Variants in HSPG2 observed in about 807,000 individuals in gnomAD.
HSPG2 encodes basement membrane-specific heparan sulfate proteoglycan core protein.
A neutral mutation model predicts 526.6 loss-of-function variants in HSPG2; 278 were observed. The ratio of observed to expected loss-of-function variants is 0.53; its 90% confidence interval spans 0.48 to 0.58. The LOEUF (loss-of-function observed/expected upper bound fraction) is 0.58, where lower values mean the gene tolerates loss of function less well. Among genes scored for constraint, HSPG2 ranks in the 20% least tolerant of loss-of-function variants. HSPG2 has a pLI of 0.00. For missense variants in HSPG2, 5,354 were observed against 6,099.5 expected, an observed-to-expected ratio of 0.88 and a Z score of 4.07; for synonymous variants, 2,465 against 2,555.4, an observed-to-expected ratio of 0.96 and a Z score of 1.07.
chr1:21,824,768 GC>G lies in HSPG2; in HGVS notation c.12600del (p.Gln4201SerfsTer96). ...TCATCGTGGAAATAGGCTCCGTACT[GC>G]CCAGGGGCATCTGTGGGAGAGAGGA... is the stretch of plus-strand genomic sequence containing the variant. ...LEGSGGNDAP[G>X]QYGAYFHDDG... is the part of the protein sequence containing the mutation. On this transcript the variant is annotated frameshift_variant, in exon 92 of 97. Transcript: ENST00000374695. LOFTEE classifies it high-confidence loss of function. This position sits in a 1 kb window ranked among gnomAD's most constrained non-coding sequence, Gnocchi z 5.9. 1 of 1,612,674 alleles carries G rather than the reference GC, an allele frequency of 6.2e-7. No homozygotes were observed. The highest frequency in any genetic ancestry group is 8.5e-7 in the Non-Finnish European group (1 of 1,179,490).
rs1368483573 is a variant in HSPG2 at position 21,874,973 on chromosome 1, A to G, written c.3332T>C (p.Val1111Ala). 2.5e-5 allele frequency: 41 copies of G among 1,608,396 alleles called. No individual in the cohort carries two copies. The highest frequency in any genetic ancestry group is 3.5e-5 in the Non-Finnish European group (41 of 1,177,618). Residue 1111 changes from valine (V) to alanine (A), a missense_variant, in exon 26 of 97, where the codon GTG becomes GCG. Val to Ala is a moderately conservative substitution (Grantham distance 64). Transcript: ENST00000374695. ...GGGGTCCTGGCCGGTTTCCTCGGGC[A>G]CAGCCACGTCCATGCTGATGCCAGA... ...RVSGISMDVA[V>A]PEETGQDPAL...
At chr1:21,886,624 G>A (rs1224368089) in intron 9 of HSPG2, among the ~76,000 whole-genome samples, 1 of 152,186 alleles carries the variant, frequency 6.6e-6, no homozygotes, top group Non-Finnish European at 1.5e-5. Context: ...TGCCCGTAAT[G>A]TCCATGACTG....
Position 21,890,301 on chromosome 1 carries a change from A to C in HSPG2, c.413+126T>G. The C allele has an allele frequency of 7.9e-7, 1 of 1,271,548 alleles. No individual in the cohort carries two copies. The highest frequency in any genetic ancestry group is 1.1e-6 in the Non-Finnish European group (1 of 875,952). The allele number at this position is 1,271,548 out of a possible 1,614,324, so 78.8% of individuals were successfully genotyped here. On this transcript the variant is annotated intron_variant, in intron 5 of 96. Transcript: ENST00000374695. The surrounding 1 kb of genome is among the most constrained non-coding windows in gnomAD (Gnocchi z 4.1). ...CAATGATCCCCCGACCAATTCCTGA[A>C]TTTCCACCCACAGCGACTCATCCCA...
At chr1:21,934,981 A>T (rs1042909957) in intron 1 of HSPG2, among the ~76,000 whole-genome samples, 1 of 151,430 alleles carries the variant, frequency 6.6e-6, no homozygotes, top group Non-Finnish European at 1.5e-5. Context: ...GTCTCAGCTC[A>T]CTGCAACCTC....
chr1:21,826,085 AT>A (rs200412292), intron 91 of HSPG2, among the ~76,000 whole-genome samples: 2,688 of 150,052 alleles, frequency 0.018, 66 homozygotes, highest in African/African-American at 0.062. Context: ...ACCCAGCCTT[AT>A]TTTTTATTTT....
In HSPG2 at chr1:21,847,668, T is replaced by A; in HGVS notation, c.8025+21A>T. ...CAGGAGACCATGGTTCCACCCCCGC[T>A]GCTGTGGCTCCACTCTGTACCTGGT... On this transcript the variant is annotated intron_variant, in intron 61 of 96. Coordinates refer to ENST00000374695, the MANE Select transcript of HSPG2 (RefSeq NM_005529.7). The surrounding 1 kb of genome is among the most constrained non-coding windows in gnomAD (Gnocchi z 4.1). 1 of 1,603,762 alleles carries A rather than the reference T, an allele frequency of 6.2e-7. No individual in the cohort carries two copies. Among genetic ancestry groups the A allele is most frequent in the South Asian group, 1.1e-5 (1 of 89,772 alleles).
intron 1 of HSPG2, among the ~76,000 whole-genome samples, chr1:21,910,467 ATCT>A (rs2152787224): frequency 6.6e-6 from 1 of 152,282 alleles, no homozygotes; most frequent in South Asian, 2.1e-4. Context: ...TCTGCCATCG[ATCT>A]TCTCTGGGTC....
chr1:21,841,624 G>A lies in HSPG2; in HGVS notation c.9243C>T (p.Thr3081=), dbSNP rs1350979773. ...PNGSIITIVG[T]RPSNHGTYRC... ...GGTAGGTACCGTGGTTGCTGGGCCG[G>A]GTGCCCACGATGGTGATGATGGAGC... Residue 3081 remains threonine (T), a synonymous_variant, in exon 70 of 97, where the codon ACC becomes ACT. Coordinates refer to ENST00000374695, the MANE Select transcript of HSPG2 (RefSeq NM_005529.7). 2 of 1,614,018 alleles carry A rather than the reference G, an allele frequency of 1.2e-6. No homozygotes were observed. The highest frequency in any genetic ancestry group is 2.7e-5 in the African/African-American group (2 of 74,914).
In HSPG2 at chr1:21,839,529, T is replaced by C. The variant is rs773547329; in HGVS notation, c.9731A>G (p.His3244Arg). 6.2e-7 allele frequency: 1 copy of C among 1,613,856 alleles called. No individual in the cohort carries two copies. The highest frequency in any genetic ancestry group is 8.5e-7 in the Non-Finnish European group (1 of 1,179,950). ...SATGSPAPTIHWSKLRSPLPW... is the reference protein window; with the variant it reads ...SATGSPAPTIRWSKLRSPLPW... ...CAGTGGGGAACGCAGCTTGGACCAG[T>C]GGATGGTGGGCGCGGGGCTGCCTGT... The change falls in exon 73 of 97, where the codon CAC becomes CGC. Residue 3244 changes from histidine to arginine, a missense_variant. His to Arg is a conservative substitution (Grantham distance 29). Coordinates refer to ENST00000374695, the MANE Select transcript of HSPG2 (RefSeq NM_005529.7). The surrounding 1 kb of genome is among the most constrained non-coding windows in gnomAD (Gnocchi z 4.5).
At chr1:21,899,165 G>A (rs547747323) in intron 1 of HSPG2, among the ~76,000 whole-genome samples, 1 of 152,276 alleles carries the variant, frequency 6.6e-6, no homozygotes, top group Admixed American at 6.5e-5. Flanking sequence ...TGAGGATCCA[G>A]GGTCAGATAA....
At chr1:21,827,548 T>C (rs2097981750) in intron 91 of HSPG2, among the ~76,000 whole-genome samples, 1 of 152,224 alleles carries the variant, frequency 6.6e-6, no homozygotes, top group Non-Finnish European at 1.5e-5. Flanking sequence ...TTCTTGGGAA[T>C]GAGGGTCTTG....
At chr1:21,908,552 A>C in intron 1 of HSPG2, 1 of 898,748 alleles carries the variant, frequency 1.1e-6, no homozygotes, top group Admixed American at 1.7e-5. Context: ...GAGCTGCTGG[A>C]ACCTATTCTC....
Position 21,859,929 on chromosome 1 carries a change from C to A in HSPG2, c.5088G>T (p.Leu1696=). 6.2e-7 allele frequency: 1 copy of A among 1,610,562 alleles called. No individual in the cohort carries two copies. The highest frequency in any genetic ancestry group is 8.5e-7 in the Non-Finnish European group (1 of 1,179,362). The change falls in exon 41 of 97, where the codon CTG becomes CTT. Residue 1696 remains leucine (L), a synonymous_variant. Coordinates refer to ENST00000374695, the MANE Select transcript of HSPG2 (RefSeq NM_005529.7). This position sits in a 1 kb window ranked among gnomAD's most constrained non-coding sequence, Gnocchi z 5.3. ...GTGGGCTCCCACTGACCTGACACCGCAGGGAGTGGGAGCCACCTTGGGGCA... is the reference window on the plus strand; with the variant it reads ...GTGGGCTCCCACTGACCTGACACCGAAGGGAGTGGGAGCCACCTTGGGGCA... The part of the protein sequence containing the change: ...SIVPQGGSHS[L]RCQVSGSPPH...
intron 39 of HSPG2, among the ~76,000 whole-genome samples, chr1:21,860,955 T>C (rs1308403811): frequency 2.0e-5 from 3 of 152,200 alleles, no homozygotes; most frequent in Non-Finnish European, 4.4e-5. Flanking sequence ...GCTGTGCGGG[T>C]GCAGAGGAGG....
rs1423468992 is a variant in HSPG2, at chr1:21,851,779, G to A, written c.7006+12C>T. Reference sequence around the variant, plus strand: ...TCTCTGCATCCCAGCCCAGCCTGGTGGCCCCACTCACGGTAGGCTAAGTTG... The same window carrying A: ...TCTCTGCATCCCAGCCCAGCCTGGTAGCCCCACTCACGGTAGGCTAAGTTG... On this transcript the variant is annotated intron_variant, in intron 54 of 96. Transcript: ENST00000374695. The A allele has an allele frequency of 6.2e-7, 1 of 1,613,992 alleles. No homozygotes were observed. Among genetic ancestry groups the A allele is most frequent in the South Asian group, 1.1e-5 (1 of 91,086 alleles).
intron 1 of HSPG2, among the ~76,000 whole-genome samples, chr1:21,910,604 C>T (rs971887458): frequency 9.2e-5 from 14 of 152,152 alleles, no homozygotes; most frequent in African/African-American, 1.4e-4. Context: ...TAAGCAGGAA[C>T]GGGAATTGGT....
In HSPG2 at chr1:21,839,219, G is replaced by T. The variant is rs1268900324; in HGVS notation, c.9890-134C>A. ...GGGATAAGGAAAGCAAAGGTCCCAG[G>T]CCAGGGTGTGGGTGTCGGGCAGGGC... On this transcript the variant is annotated intron_variant, in intron 73 of 96. Transcript: ENST00000374695. This position sits in a 1 kb window ranked among gnomAD's most constrained non-coding sequence, Gnocchi z 4.5. 2 of 1,435,606 alleles carry T rather than the reference G, an allele frequency of 1.4e-6. No individual in the cohort carries two copies. Among genetic ancestry groups the T allele is most frequent in the Non-Finnish European group, 9.6e-7 (1 of 1,046,284 alleles). 88.9% of individuals were successfully genotyped at this position (1,435,606 alleles called of 1,614,324 possible).
At chr1:21,849,920 T>C in intron 57 of HSPG2, 121 bp downstream of exon 57, 7 of 1,230,652 alleles carry the variant, frequency 5.7e-6, no homozygotes, top group South Asian at 2.4e-5. Flanking sequence ...CCTCGTGATC[T>C]TCCTGCCTTG....
Position 21,876,221 on chromosome 1 carries a change from C to G in HSPG2, c.3003+8G>C. 6.2e-7 allele frequency: 1 copy of G among 1,600,554 alleles called. No homozygotes were observed. The highest frequency in any genetic ancestry group is 8.5e-7 in the Non-Finnish European group (1 of 1,173,394). On this transcript the variant is annotated splice_region_variant and intron_variant, in intron 23 of 96. Transcript: ENST00000374695. The stretch of plus-strand genomic sequence containing the variant: ...GGAGTTTCCTTTGCCTTTCCACCCA[C>G]TACCCACCTTGTCCCCCAGGAAGCG...
Sources: allele counts gnomAD v4.1 joint callset (sites outside exome capture counted in the v4.1 genomes callset), GRCh38; gene constraint gnomAD v4.1.1; non-coding constraint Gnocchi (gnomAD v3.1); transcripts MANE v1.5; gene names NCBI Gene and HGNC (gene_info 2026-07-23, HGNC 2026-07-21).